ERO1A: variants seen among roughly 807,000 people sequenced by gnomAD.
ERO1A encodes the protein ERO1-like protein alpha.
A neutral mutation model predicts 76.9 loss-of-function variants in ERO1A; 49 were observed. That is an observed-to-expected ratio of 0.64 (90% CI 0.51 to 0.81). The LOEUF is 0.81. Ranked by LOEUF, ERO1A falls within the 30% of genes least tolerant of loss-of-function variation. ERO1A has a pLI of 0.00. For missense variants in ERO1A, 448 were observed against 542.1 expected, an observed-to-expected ratio of 0.83 and a Z score of 1.72; for synonymous variants, 174 against 181.2, an observed-to-expected ratio of 0.96 and a Z score of 0.32.
At chr14:52,662,478 A>C (rs2040261974) in intron 8 of ERO1A, among the ~76,000 whole-genome samples, 1 of 152,220 alleles carries the variant, frequency 6.6e-6, no homozygotes, top group African/African-American at 2.4e-5. Context: ...TTTTCAAATA[A>C]ATTTTTAAAA....
chr14:52,661,348 G>T, intron 8 of ERO1A, 44 bp from the exon 9 acceptor site: 1 of 1,409,040 alleles, frequency 7.1e-7, no homozygotes, highest in Non-Finnish European at 9.4e-7. Flanking sequence ...ATTCCTTCCA[G>T]TGCCCCTTTT....
rs147491130 is a variant in ERO1A, at chr14:52,693,779, G to A, written c.114+1589C>T. Reference sequence around the variant, plus strand: ...TCCCAAAGTGCTGGGATTACAGGCTGGAGCCACCACACCCAGCCCAATTTA... The same window carrying A: ...TCCCAAAGTGCTGGGATTACAGGCTAGAGCCACCACACCCAGCCCAATTTA... On this transcript the variant is annotated intron_variant, in intron 1 of 15. Transcript: ENST00000395686. Among the ~76,000 whole-genome samples the A allele has an allele frequency of 1.5e-3, 226 of 152,030 alleles. 1 individual carries two copies. Among genetic ancestry groups the A allele is most frequent in the Admixed American group, 4.1e-3 (63 of 15,262 alleles).
chr14:52,692,960 T>C (rs1409437592), intron 1 of ERO1A, among the ~76,000 whole-genome samples: 2 of 151,604 alleles, frequency 1.3e-5, no homozygotes, highest in Non-Finnish European at 2.9e-5. Flanking sequence ...ATTGTTTCAC[T>C]TATAGAATTG....
chr14:52,650,062 T>G (rs1016254610), intron 13 of ERO1A, among the ~76,000 whole-genome samples: 2 of 151,774 alleles, frequency 1.3e-5, no homozygotes, highest in Admixed American at 6.6e-5. Context: ...ACAAAAAAAT[T>G]TTAAAAGTTA....
intron 1 of ERO1A, among the ~76,000 whole-genome samples, chr14:52,687,362 C>T (rs557326137): frequency 2.0e-5 from 3 of 151,894 alleles, no homozygotes; most frequent in South Asian, 2.1e-4. Flanking sequence ...CCTGGGAAGT[C>T]GAAGCTGTGG....
chr14:52,646,011 G>A, intron 15 of ERO1A, 143 bp downstream of exon 15: 1 of 918,200 alleles, frequency 1.1e-6, no homozygotes, highest in Non-Finnish European at 1.6e-6. Flanking sequence ...ACTCCAGCCT[G>A]GGCTACAGAC....
chr14:52,655,081 C>A lies in ERO1A; in HGVS notation c.809-1766G>T, dbSNP rs770867367. Among the ~76,000 whole-genome samples, 8 of 152,248 alleles carry A rather than the reference C, an allele frequency of 5.3e-5. No homozygotes were observed. The South Asian group carries it at 8.3e-4, about 16-fold the overall frequency. On this transcript the variant is annotated intron_variant, in intron 11 of 15. Coordinates refer to ENST00000395686, the MANE Select transcript of ERO1A (RefSeq NM_014584.3). ...AAAGGAAAATCTTATTAAATTCTTA[C>A]ACAGGCCAGGCGTGGTGGCTCACAA...
At chr14:52,676,765 T>C (rs2040798140) in intron 4 of ERO1A, among the ~76,000 whole-genome samples, 1 of 151,832 alleles carries the variant, frequency 6.6e-6, no homozygotes, top group East Asian at 1.9e-4. Context: ...CTGAGTGTCG[T>C]GGCTCACACC....
At chr14:52,686,995 G>A (rs2025137) in intron 1 of ERO1A, among the ~76,000 whole-genome samples, 25,505 of 152,080 alleles carry the variant, frequency 0.17, 2,251 homozygotes, top group East Asian at 0.23. Context: ...AATGGATGAA[G>A]ACAGCTCAGT....
chr14:52,651,271 G>C (rs1041775058), intron 13 of ERO1A, among the ~76,000 whole-genome samples: 1 of 152,146 alleles, frequency 6.6e-6, no homozygotes, highest in African/African-American at 2.4e-5. Context: ...CTGGGTGACA[G>C]AGTGAGATCC....
intron 7 of ERO1A, among the ~76,000 whole-genome samples, chr14:52,664,401 T>C (rs1448258129): frequency 6.6e-6 from 1 of 152,176 alleles, no homozygotes; most frequent in African/African-American, 2.4e-5. Context: ...AGTTACTATG[T>C]CATTAAAGTG....
chr14:52,678,527 A>G (rs537949064), intron 3 of ERO1A, 55 bp from the exon 4 acceptor site: 3 of 1,423,108 alleles, frequency 2.1e-6, no homozygotes, highest in Non-Finnish European at 2.9e-6. Context: ...TTCTTAAAAC[A>G]TATCTTAAAT....
chr14:52,645,302 CT>C (rs35036293), intron 15 of ERO1A, among the ~76,000 whole-genome samples: 34,237 of 130,028 alleles, frequency 0.26, 3,519 homozygotes, highest in East Asian at 0.32. Flanking sequence ...CATATACACA[CT>C]TTTTTTTTTT....
intron 1 of ERO1A, among the ~76,000 whole-genome samples, chr14:52,686,271 T>C (rs561714318): frequency 6.6e-6 from 1 of 152,282 alleles, no homozygotes; most frequent in African/African-American, 2.4e-5. Context: ...ATGTTGTCCA[T>C]TGTCACTCAT....
At chr14:52,685,460 T>G (rs144678526) in intron 1 of ERO1A, among the ~76,000 whole-genome samples, 2 of 152,230 alleles carry the variant, frequency 1.3e-5, no homozygotes, top group Admixed American at 1.3e-4. Context: ...CTAAATGATA[T>G]GATTTTTCAA....
intron 1 of ERO1A, among the ~76,000 whole-genome samples, chr14:52,690,462 C>T (rs1038500484): frequency 2.6e-5 from 4 of 152,150 alleles, no homozygotes; most frequent in South Asian, 4.1e-4. Context: ...GGGCAAGGGC[C>T]GGGCACAGTG....
At chr14:52,689,457 A>G (rs2041284879) in intron 1 of ERO1A, among the ~76,000 whole-genome samples, 1 of 152,216 alleles carries the variant, frequency 6.6e-6, no homozygotes, top group Non-Finnish European at 1.5e-5. Context: ...TACAAAATCA[A>G]CATACAAAAA....
intron 4 of ERO1A, among the ~76,000 whole-genome samples, chr14:52,676,875 C>CAAAAA (rs150557631): frequency 7.5e-6 from 1 of 133,630 alleles, no homozygotes; most frequent in Non-Finnish European, 1.6e-5. Flanking sequence ...CTATCTACCC[C>CAAAAA]AAAAAAAAAA....
At chr14:52,658,925 T>C (rs1250529563) in intron 9 of ERO1A, among the ~76,000 whole-genome samples, 1 of 152,166 alleles carries the variant, frequency 6.6e-6, no homozygotes, top group African/African-American at 2.4e-5. Flanking sequence ...TGATAAACAC[T>C]GTACAGTGTT....
Sources: gnomAD v4.1 joint callset for allele counts (sites outside exome capture counted in the v4.1 genomes callset) on GRCh38, gnomAD v4.1.1 for gene constraint, MANE v1.5 for transcripts, NCBI Gene and HGNC (gene_info 2026-07-23, HGNC 2026-07-21) for gene names.